Variants in TBC1D19 observed in about 807,000 individuals in gnomAD.
TBC1D19 encodes TBC1 domain family, member 19.
A neutral mutation model predicts 89.0 loss-of-function variants in TBC1D19; 60 were observed. That is an observed-to-expected ratio of 0.67 (90% CI 0.55 to 0.84). The LOEUF (loss-of-function observed/expected upper bound fraction) is 0.84. Among genes scored for constraint, TBC1D19 ranks in the 40% least tolerant of loss-of-function variants. TBC1D19 has a pLI of 0.00. For synonymous variants in TBC1D19, 189 were observed against 199.7 expected, an observed-to-expected ratio of 0.95 and a Z score of 0.45; for missense variants, 500 against 610.8, an observed-to-expected ratio of 0.82 and a Z score of 1.91.
chr4:26,604,606 C>A (rs200697612), intron 1 of TBC1D19, among the ~76,000 whole-genome samples: 1 of 148,226 alleles, frequency 6.7e-6, no homozygotes, highest in African/African-American at 2.5e-5. Context: ...CATGGTGGCT[C>A]ACGCCTGTAA....
the TBC1D19 span, among the ~76,000 whole-genome samples, chr4:26,854,088 C>A: frequency 6.6e-6 from 1 of 152,166 alleles, no homozygotes; most frequent in Non-Finnish European, 1.5e-5. Context: ...GGCAGCTACA[C>A]TATGTGAAAT....
intron 7 of TBC1D19, among the ~76,000 whole-genome samples, chr4:26,657,867 G>T (rs1360625603): frequency 6.6e-6 from 1 of 152,100 alleles, no homozygotes; most frequent in Non-Finnish European, 1.5e-5. Flanking sequence ...ATGTTTCTTG[G>T]CTGCATAAAT....
chr4:26,620,280 G>A (rs905591209), intron 3 of TBC1D19, among the ~76,000 whole-genome samples: 10 of 152,142 alleles, frequency 6.6e-5, no homozygotes, highest in Admixed American at 6.5e-4. Flanking sequence ...CAAATTTATT[G>A]TGTCTTATTA....
At chr4:26,846,923 T>C in the TBC1D19 span, among the ~76,000 whole-genome samples, 1 of 152,136 alleles carries the variant, frequency 6.6e-6, no homozygotes, top group Admixed American at 6.6e-5. Flanking sequence ...GCTCCTTCAT[T>C]CTAACTTTCT....
At chr4:26,704,716 T>C (rs970368286) in intron 13 of TBC1D19, among the ~76,000 whole-genome samples, 1 of 152,082 alleles carries the variant, frequency 6.6e-6, no homozygotes, top group Non-Finnish European at 1.5e-5. Context: ...TATATATAAA[T>C]TCTATGCAAA....
At chr4:26,768,942 C>T in the TBC1D19 span, among the ~76,000 whole-genome samples, 3 of 151,810 alleles carry the variant, frequency 2.0e-5, no homozygotes, top group African/African-American at 7.2e-5. Flanking sequence ...AATTAAAACT[C>T]TCCTGTCCAA....
chr4:26,615,287 A>G (rs537167547), intron 3 of TBC1D19, among the ~76,000 whole-genome samples: 3 of 152,296 alleles, frequency 2.0e-5, no homozygotes, highest in African/African-American at 7.2e-5. Flanking sequence ...CCAGAATGTT[A>G]GCTTTTGTAG....
chr4:26,699,557 T>G (rs962558600), intron 13 of TBC1D19, among the ~76,000 whole-genome samples: 2 of 152,180 alleles, frequency 1.3e-5, no homozygotes, highest in African/African-American at 2.4e-5. Flanking sequence ...TAAAGGGACA[T>G]GCACACATAT....
At chr4:26,640,810 C>T (rs555354133) in intron 7 of TBC1D19, among the ~76,000 whole-genome samples, 164 of 152,130 alleles carry the variant, frequency 1.1e-3, no homozygotes, top group Admixed American at 2.2e-3. Context: ...ACTTCTAGTC[C>T]GAGATCAAAC....
At chr4:26,825,440 A>G in the TBC1D19 span, among the ~76,000 whole-genome samples, 2 of 152,202 alleles carry the variant, frequency 1.3e-5, no homozygotes, top group Admixed American at 6.5e-5. Context: ...AACTAGGTAT[A>G]TAAGGGCATG....
chr4:26,834,317 C>G, the TBC1D19 span, among the ~76,000 whole-genome samples: 11 of 152,192 alleles, frequency 7.2e-5, no homozygotes, highest in Non-Finnish European at 1.2e-4. Flanking sequence ...TGTGTGTGCT[C>G]TATGATAATG....
rs1349575186 is a variant in TBC1D19 at position 26,745,888 on chromosome 4, C to T, written c.1320-2523C>T. On this transcript the variant is annotated intron_variant, in intron 18 of 20. Transcript: ENST00000264866. ...AGATGGCTTCACTGGCAAATTCTAC[C>T]AAGCACTCCAGGAAGAAGTGATATC... Among the ~76,000 whole-genome samples the T allele has an allele frequency of 2.0e-5, 3 of 152,170 alleles. No homozygotes were observed. The East Asian group carries it at 5.8e-4, about 29-fold the overall frequency.
chr4:26,681,749 G>A (rs142846617), intron 11 of TBC1D19, among the ~76,000 whole-genome samples: 95 of 152,164 alleles, frequency 6.2e-4, no homozygotes, highest in African/African-American at 2.3e-3. Context: ...ATATTAAAAT[G>A]TATGTAACTA....
At chr4:26,816,404 GTTT>G in the TBC1D19 span, among the ~76,000 whole-genome samples, 1 of 152,124 alleles carries the variant, frequency 6.6e-6, no homozygotes, top group African/African-American at 2.4e-5. Flanking sequence ...TCTGGCAGAG[GTTT>G]TCAGTGGATA....
intron 3 of TBC1D19, among the ~76,000 whole-genome samples, chr4:26,618,128 A>G (rs747339012): frequency 1.3e-5 from 2 of 152,224 alleles, no homozygotes; most frequent in African/African-American, 2.4e-5. Context: ...GCTATTGTGC[A>G]CAGAGCCAGG....
At chr4:26,752,741 T>C (rs1719038090) in intron 19 of TBC1D19, among the ~76,000 whole-genome samples, 1 of 152,196 alleles carries the variant, frequency 6.6e-6, no homozygotes, top group African/African-American at 2.4e-5. Context: ...CACATGGAGT[T>C]TTATGGTAGG....
At chr4:26,581,748 T>G (rs1739070200), upstream of TBC1D19, among the ~76,000 whole-genome samples, 1 of 152,186 alleles carries the variant, frequency 6.6e-6, no homozygotes, top group African/African-American at 2.4e-5. Context: ...ACTCTTTGTA[T>G]AGCAGCCACA....
chr4:26,644,102 C>T (rs1365535801), intron 7 of TBC1D19, among the ~76,000 whole-genome samples: 4 of 152,118 alleles, frequency 2.6e-5, no homozygotes, highest in African/African-American at 9.7e-5. Flanking sequence ...GATACCAAAG[C>T]CTGGCAGAGA....
At chr4:26,821,440 T>C in the TBC1D19 span, among the ~76,000 whole-genome samples, 1 of 152,252 alleles carries the variant, frequency 6.6e-6, no homozygotes, top group Non-Finnish European at 1.5e-5. Context: ...CACATAAGTG[T>C]AATTCTGTGC....
Sources: allele counts gnomAD v4.1 joint callset (sites outside exome capture counted in the v4.1 genomes callset), GRCh38; gene constraint gnomAD v4.1.1; transcripts MANE v1.5; gene names NCBI Gene and HGNC (gene_info 2026-07-23, HGNC 2026-07-21).